The following PALLD variants were observed in gnomAD, a reference collection of about 807,000 sequenced individuals.
The protein encoded by PALLD is palladin, cytoskeletal associated protein, also known as palladin.
A neutral mutation model predicts 123.5 loss-of-function variants in PALLD; 61 were observed. That is an observed-to-expected ratio of 0.49 (90% CI 0.40 to 0.61). The LOEUF (loss-of-function observed/expected upper bound fraction) is 0.61, where lower values mean the gene tolerates loss of function less well. PALLD is among the 20% of genes least tolerant of loss of function. PALLD has a pLI of 0.00. For synonymous variants in PALLD, 465 were observed against 496.4 expected, an observed-to-expected ratio of 0.94 and a Z score of 0.84; for missense variants, 1,273 against 1,377.0, an observed-to-expected ratio of 0.92 and a Z score of 1.20.
chr4:168,906,391 T>A (rs1757803021), intron 15 of PALLD, among the ~76,000 whole-genome samples: 1 of 152,192 alleles, frequency 6.6e-6, no homozygotes, highest in African/African-American at 2.4e-5. Flanking sequence ...GAGGAAGGAC[T>A]GACTCAGTGC....
chr4:168,725,601 A>G (rs1786491424), intron 10 of PALLD, among the ~76,000 whole-genome samples: 1 of 129,570 alleles, frequency 7.7e-6, no homozygotes, highest in African/African-American at 3.0e-5. Flanking sequence ...ATCTCTGCTC[A>G]CTGCAAGCTC....
chr4:168,874,971 A>T lies in PALLD; in HGVS notation c.1965-15951A>T, dbSNP rs115180871. The stretch of plus-strand genomic sequence containing the variant: ...GAGAAATTTGATGGATTACTTGTGT[A>T]AGACCAAAGATTTAAACACATGACA... On this transcript the variant is annotated intron_variant, in intron 10 of 21. Transcript: ENST00000505667. Among the ~76,000 whole-genome samples, 957 of 152,190 alleles carry T rather than the reference A, an allele frequency of 6.3e-3. 12 individuals are homozygous for T. Among genetic ancestry groups the T allele is most frequent in the African/African-American group, 0.022 (911 of 41,466 alleles).
At chr4:168,726,575 G>A (rs758753001) in intron 10 of PALLD, among the ~76,000 whole-genome samples, 2 of 151,822 alleles carry the variant, frequency 1.3e-5, no homozygotes, top group Admixed American at 6.6e-5. Context: ...TAGAGACAGG[G>A]TCTTGCTTTG....
intron 2 of PALLD, among the ~76,000 whole-genome samples, chr4:168,536,029 T>C (rs1307832620): frequency 6.6e-6 from 1 of 152,242 alleles, no homozygotes; most frequent in Non-Finnish European, 1.5e-5. Context: ...TACTCCTTTA[T>C]TTGTTTTGAT....
chr4:168,684,396 G>A (rs542951632), intron 5 of PALLD, among the ~76,000 whole-genome samples: 211 of 152,288 alleles, frequency 1.4e-3, no homozygotes, highest in South Asian at 7.9e-3. Flanking sequence ...CAGGCAATGT[G>A]ACATCAAGTA....
At chr4:168,593,981 G>T (rs1331316871) in intron 2 of PALLD, among the ~76,000 whole-genome samples, 1 of 152,166 alleles carries the variant, frequency 6.6e-6, no homozygotes, top group Non-Finnish European at 1.5e-5. Context: ...TATAGAAAAA[G>T]GACCATCTGG....
chr4:168,710,397 T>C, intron 9 of PALLD, among the ~76,000 whole-genome samples: 1 of 152,328 alleles, frequency 6.6e-6, no homozygotes, highest in Non-Finnish European at 1.5e-5. Context: ...AATATGTTTT[T>C]GACCAAGCCT....
chr4:168,802,794 G>A (rs373125356), intron 10 of PALLD, among the ~76,000 whole-genome samples: 5 of 151,948 alleles, frequency 3.3e-5, no homozygotes, highest in Admixed American at 1.3e-4. Context: ...GGGTTCAAGC[G>A]ATTCTCCTGC....
At chr4:168,608,484 C>T (rs1236591040) in intron 2 of PALLD, among the ~76,000 whole-genome samples, 1 of 152,188 alleles carries the variant, frequency 6.6e-6, no homozygotes, top group Non-Finnish European at 1.5e-5. Flanking sequence ...ATCCAAAATT[C>T]TTGCAATACA....
In PALLD at chr4:168,506,755, T is replaced by G. The variant is rs189117164; in HGVS notation, c.-82-4668T>G. On this transcript the variant is annotated intron_variant, in intron 1 of 21. Transcript: ENST00000505667. ...CACCACACCTGTAATATTTTCTTTCTTTCCTTCTTTCCTTTCCTTCCATGT... is the reference window on the plus strand; with the variant it reads ...CACCACACCTGTAATATTTTCTTTCGTTCCTTCTTTCCTTTCCTTCCATGT... 4.5e-3 allele frequency among the ~76,000 whole-genome samples: 685 copies of G among 152,364 alleles called. 2 individuals carry two copies. The highest frequency in any genetic ancestry group is 0.017 in the Middle Eastern group (5 of 294).
chr4:168,924,326 G>C lies in PALLD; in HGVS notation c.3130G>C (p.Val1044Leu). ...CACAGGAGTTGCTGATGGGTACCCAGTGCGGCTGGAATGTCGTGTATTGGG... is the reference window on the plus strand; with the variant it reads ...CACAGGAGTTGCTGATGGGTACCCACTGCGGCTGGAATGTCGTGTATTGGG... ...QNTGVADGYPVRLECRVLGVP... is the reference protein window; with the variant it reads ...QNTGVADGYPLRLECRVLGVP... Residue 1044 changes from valine (V) to leucine (L), a missense_variant, in exon 19 of 22, where the codon GTG becomes CTG. Coordinates refer to ENST00000505667, the MANE Select transcript of PALLD (RefSeq NM_001166108.2). 6.2e-7 allele frequency: 1 copy of C among 1,613,970 alleles called. No individual in the cohort carries two copies. Among genetic ancestry groups the C allele is most frequent in the Non-Finnish European group, 8.5e-7 (1 of 1,179,908 alleles).
At chr4:168,729,619 A>G (rs931008821) in intron 10 of PALLD, among the ~76,000 whole-genome samples, 6 of 152,130 alleles carry the variant, frequency 3.9e-5, no homozygotes, top group African/African-American at 1.4e-4. Flanking sequence ...TTCTCCTAGG[A>G]CTTCCCTTCA....
intron 2 of PALLD, among the ~76,000 whole-genome samples, chr4:168,547,468 C>T (rs1181901341): frequency 1.3e-5 from 2 of 151,090 alleles, no homozygotes; most frequent in African/African-American, 4.9e-5. Flanking sequence ...TGTCTGTAAT[C>T]CTAGCACTTT....
At chr4:168,573,844 C>T (rs937216777) in intron 2 of PALLD, among the ~76,000 whole-genome samples, 6 of 152,052 alleles carry the variant, frequency 3.9e-5, no homozygotes, top group African/African-American at 1.2e-4. Context: ...CTTGAGACTA[C>T]TAACATAATC....
chr4:168,857,473 C>A (rs1422115096), intron 10 of PALLD, among the ~76,000 whole-genome samples: 1 of 152,132 alleles, frequency 6.6e-6, no homozygotes, highest in East Asian at 1.9e-4. Flanking sequence ...GTAGAATCAG[C>A]AAACTGATAA....
intron 2 of PALLD, among the ~76,000 whole-genome samples, chr4:168,610,985 C>T (rs1773670457): frequency 1.3e-5 from 2 of 152,170 alleles, no homozygotes; most frequent in Admixed American, 1.3e-4. Flanking sequence ...AATCTGTCTC[C>T]CACCTACTAA....
intron 14 of PALLD, among the ~76,000 whole-genome samples, chr4:168,901,252 T>G (rs761727066): frequency 6.6e-5 from 10 of 152,184 alleles, no homozygotes; most frequent in Non-Finnish European, 1.5e-4. Context: ...GAAATACATG[T>G]TTTTTTAGGC....
At chr4:168,742,910 C>G in intron 10 of PALLD, among the ~76,000 whole-genome samples, 1 of 152,172 alleles carries the variant, frequency 6.6e-6, no homozygotes, top group East Asian at 1.9e-4. Flanking sequence ...TCACTCCCTC[C>G]TTTTGATTTT....
chr4:168,835,024 A>G (rs139408319), intron 10 of PALLD, among the ~76,000 whole-genome samples: 9 of 152,356 alleles, frequency 5.9e-5, no homozygotes, highest in Non-Finnish European at 7.3e-5. Context: ...CATTATTTCA[A>G]GGGGAAATTA....
Sources: allele counts gnomAD v4.1 joint callset (sites outside exome capture counted in the v4.1 genomes callset), GRCh38; gene constraint gnomAD v4.1.1; transcripts MANE v1.5; gene names NCBI Gene and HGNC (gene_info 2026-07-23, HGNC 2026-07-21).